NMT2: variants seen among roughly 807,000 people sequenced by gnomAD.
NMT2 encodes glycylpeptide N-tetradecanoyltransferase 2.
Under a neutral mutation model 65.4 loss-of-function variants are expected in NMT2, and 35 were observed. That is an observed-to-expected ratio of 0.54 (90% CI 0.41 to 0.71). The LOEUF (loss-of-function observed/expected upper bound fraction) is 0.71, where lower values mean the gene tolerates loss of function less well. Among genes scored for constraint, NMT2 ranks in the 30% least tolerant of loss-of-function variants. NMT2 has a pLI of 0.00. For synonymous variants in NMT2, 226 were observed against 231.8 expected, an observed-to-expected ratio of 0.98 and a Z score of 0.23; for missense variants, 489 against 611.3, an observed-to-expected ratio of 0.80 and a Z score of 2.11.
intron 1 of NMT2, among the ~76,000 whole-genome samples, chr10:15,157,112 A>C (rs572130814): frequency 6.6e-6 from 1 of 152,192 alleles, no homozygotes. Flanking sequence ...TGAATCCCCA[A>C]CCTTCTCTGG....
chr10:15,164,182 CAAAAAAAAAAA>C (rs34847914), intron 1 of NMT2, among the ~76,000 whole-genome samples: 7 of 69,868 alleles, frequency 1.0e-4, no homozygotes, highest in Non-Finnish European at 1.9e-4. Context: ...GAATTGGTCT[CAAAAAAAAAAA>C]AAAAAAAAAA....
chr10:15,153,957 A>C lies in NMT2; in HGVS notation c.111-12400T>G, dbSNP rs1033464929. 2.0e-5 allele frequency among the ~76,000 whole-genome samples: 3 copies of C among 152,196 alleles called. No individual in the cohort carries two copies. In the East Asian group the frequency reaches 5.8e-4, roughly 29 times the overall value. ...GTGAGCCGCCGCACCTGGCTTACAC[A>C]CAGACGTTTTATTAGTTAGTATACA... On this transcript the variant is annotated intron_variant, in intron 1 of 11. Coordinates refer to ENST00000378165, the MANE Select transcript of NMT2 (RefSeq NM_004808.3).
intron 9 of NMT2, among the ~76,000 whole-genome samples, chr10:15,118,462 C>T (rs1345526059): frequency 6.6e-6 from 1 of 152,146 alleles, no homozygotes; most frequent in East Asian, 1.9e-4. Flanking sequence ...TAGCTTGAAC[C>T]TGGGAGGTGG....
At chr10:15,152,768 G>A (rs751656237) in intron 1 of NMT2, among the ~76,000 whole-genome samples, 1 of 152,182 alleles carries the variant, frequency 6.6e-6, no homozygotes, top group Non-Finnish European at 1.5e-5. Flanking sequence ...TCCAAGGGAG[G>A]GTTAGTGAAG....
chr10:15,121,678 G>A (rs569590371), intron 8 of NMT2, among the ~76,000 whole-genome samples: 1 of 152,126 alleles, frequency 6.6e-6, no homozygotes, highest in Non-Finnish European at 1.5e-5. Context: ...AGGAAAATAG[G>A]TTTTCTCTTG....
Position 15,141,575 on chromosome 10 carries a change from A to G in NMT2, c.111-18T>C, listed in dbSNP as rs983090482. ...CAGGACTTCTGCAGGAAATGCAAAG[A>G]TGGTGAAACCAACCAACAAACAAAA... On this transcript the variant is annotated intron_variant, in intron 1 of 11. Transcript: ENST00000378165. 6.3e-7 allele frequency: 1 copy of G among 1,593,034 alleles called. No homozygotes were observed. Among genetic ancestry groups the G allele is most frequent in the Admixed American group, 1.8e-5 (1 of 55,056 alleles).
rs1237174538 is a variant in NMT2, at chr10:15,105,788, T to TAAAC, written c.*3406_*3407insGTTT. Reference sequence around the variant, plus strand: ...CTATCCATTGCATTTCAATTTAGTTTTAATAGCTACTTCATAAGCAAGCAG... The same window carrying TAAAC: ...CTATCCATTGCATTTCAATTTAGTTTAAACTAATAGCTACTTCATAAGCAAGCAG... On this transcript the variant is annotated 3_prime_UTR_variant, in exon 12 of 12. Transcript: ENST00000378165. 3.9e-5 allele frequency among the ~76,000 whole-genome samples: 6 copies of TAAAC among 152,368 alleles called. No homozygotes were observed. The highest frequency in any genetic ancestry group is 1.4e-4 in the African/African-American group (6 of 41,586).
At chr10:15,148,048 A>G (rs1425319534) in intron 1 of NMT2, among the ~76,000 whole-genome samples, 1 of 152,206 alleles carries the variant, frequency 6.6e-6, no homozygotes, top group African/African-American at 2.4e-5. Context: ...CTAGGATGGT[A>G]TAGAAAGACA....
rs745902762 is a variant in NMT2 at position 15,115,556 on chromosome 10, TAAAG to T, written c.1171-2597_1171-2594del. Reference sequence around the variant, plus strand: ...AGAGGAACAAGAACCAGAAGAAACATAAAGAAACCAAATAATCAAATGGTAGACT... The same window carrying T: ...AGAGGAACAAGAACCAGAAGAAACATAAACCAAATAATCAAATGGTAGACT... On this transcript the variant is annotated intron_variant, in intron 9 of 11. Transcript: ENST00000378165. Among the ~76,000 whole-genome samples the T allele has an allele frequency of 2.5e-3, 379 of 152,052 alleles. 1 individual carries two copies. Among genetic ancestry groups the T allele is most frequent in the Non-Finnish European group, 4.7e-3 (320 of 67,918 alleles).
chr10:15,135,139 T>C (rs1221463258), intron 3 of NMT2, 135 bp downstream of exon 3: 6 of 919,218 alleles, frequency 6.5e-6, no homozygotes, highest in Non-Finnish European at 1.0e-5. Context: ...TGCATAGATT[T>C]CCAATCTGTG....
intron 9 of NMT2, 138 bp downstream of exon 9, chr10:15,119,205 T>C (rs1274492530): frequency 2.6e-6 from 2 of 770,806 alleles, no homozygotes; most frequent in East Asian, 4.9e-5. Context: ...TTAATCTTAT[T>C]AACTCTCTAC....
Position 15,107,172 on chromosome 10 carries a change from T to C in NMT2, c.*2023A>G, listed in dbSNP as rs900130853. 4 of 197,370 alleles carry C rather than the reference T, an allele frequency of 2.0e-5. No individual in the cohort carries two copies. The highest frequency in any genetic ancestry group is 9.5e-5 in the African/African-American group (4 of 42,246). The allele number at this position is 197,370 out of a possible 1,614,324, so 12.2% of individuals were successfully genotyped here. A position where few individuals can be genotyped will look rare whatever the true frequency, so the allele number is the denominator to read the frequency against. ...AAACCTTATTGAGGGACACCGGAAT[T>C]TGAATTTTGTGTAATTTGCACATGT... is the stretch of plus-strand genomic sequence containing the variant. On this transcript the variant is annotated 3_prime_UTR_variant, in exon 12 of 12. Transcript: ENST00000378165.
intron 9 of NMT2, among the ~76,000 whole-genome samples, chr10:15,113,486 A>AAAAAAAAAAG (rs1564558939): frequency 6.7e-6 from 1 of 148,822 alleles, no homozygotes; most frequent in African/African-American, 2.5e-5. Context: ...AAAAAAAAAA[A>AAAAAAAAAAG]AAAGAAAGAA....
intron 6 of NMT2, among the ~76,000 whole-genome samples, chr10:15,130,807 T>G (rs1488319779): frequency 2.1e-5 from 3 of 139,986 alleles, no homozygotes. Flanking sequence ...TTTTTTTTTT[T>G]GAGACAGATT....
chr10:15,139,520 G>A (rs1846653486), intron 2 of NMT2, among the ~76,000 whole-genome samples: 2 of 152,172 alleles, frequency 1.3e-5, no homozygotes, highest in Admixed American at 1.3e-4. Flanking sequence ...GGGATGCCAC[G>A]TTTATCTGAT....
chr10:15,124,600 T>C (rs1399942428), intron 8 of NMT2, among the ~76,000 whole-genome samples: 3 of 152,224 alleles, frequency 2.0e-5, no homozygotes, highest in Non-Finnish European at 4.4e-5. Context: ...GATTGATCTA[T>C]ACAGCAAAAG....
chr10:15,146,756 G>C (rs12260811), intron 1 of NMT2, among the ~76,000 whole-genome samples: 6,763 of 152,178 alleles, frequency 0.044, 314 homozygotes, highest in African/African-American at 0.12. Flanking sequence ...AGGGTCTGTT[G>C]ATTACAGCAG....
chr10:15,126,289 C>T (rs981926377), intron 8 of NMT2, among the ~76,000 whole-genome samples: 13 of 151,856 alleles, frequency 8.6e-5, no homozygotes, highest in Non-Finnish European at 1.9e-4. Context: ...ATTAGCTGGG[C>T]GTGGTGGTGC....
At chr10:15,127,569 A>AT (rs1564568402) in intron 8 of NMT2, among the ~76,000 whole-genome samples, 1 of 75,090 alleles carries the variant, frequency 1.3e-5, no homozygotes, top group East Asian at 3.7e-4. Flanking sequence ...AAAAAAAAAA[A>AT]ATAAATAAAT....
Sources: gnomAD v4.1 joint callset for allele counts (sites outside exome capture counted in the v4.1 genomes callset) on GRCh38, gnomAD v4.1.1 for gene constraint, MANE v1.5 for transcripts, NCBI Gene and HGNC (gene_info 2026-07-23, HGNC 2026-07-21) for gene names.